PIWIL1: variants seen among roughly 807,000 people sequenced by gnomAD.
The protein encoded by PIWIL1 is piwi like RNA-mediated gene silencing 1.
A neutral mutation model predicts 114.4 loss-of-function variants in PIWIL1; 73 were observed. The ratio of observed to expected loss-of-function variants is 0.64; its 90% CI spans 0.53 to 0.78. The LOEUF is 0.78. Among genes scored for constraint, PIWIL1 ranks in the 30% least tolerant of loss-of-function variants. The pLI is 0.00. For missense variants in PIWIL1, 723 were observed against 1,063.1 expected, an observed-to-expected ratio of 0.68 and a Z score of 4.45; for synonymous variants, 375 against 369.0, an observed-to-expected ratio of 1.02 and a Z score of -0.19.
At chr12:130,421,652 A>G in the PIWIL1 span, among the ~76,000 whole-genome samples, 2 of 150,438 alleles carry the variant, frequency 1.3e-5, no homozygotes, top group African/African-American at 4.9e-5. Context: ...GTTTCTCCTC[A>G]TCTATTTCTG....
the PIWIL1 span, among the ~76,000 whole-genome samples, chr12:130,421,689 ATATG>A: frequency 1.5e-4 from 16 of 107,006 alleles, no homozygotes; most frequent in Admixed American, 4.8e-4. Context: ...CCCTGCATTT[ATATG>A]TGTGTGTGTG....
chr12:130,353,817 G>A (rs1373952306), intron 9 of PIWIL1, among the ~76,000 whole-genome samples: 3 of 149,512 alleles, frequency 2.0e-5, no homozygotes, highest in African/African-American at 4.9e-5. Flanking sequence ...TCCCAGCTAC[G>A]CAGGAGGCTG....
chr12:130,425,769 C>G, the PIWIL1 span: 1 of 152,388 alleles, frequency 6.6e-6, no homozygotes, highest in East Asian at 1.9e-4. Flanking sequence ...AAAGCGTGCC[C>G]CTGGGTCCTG....
At chr12:130,402,322 C>A in the PIWIL1 span, among the ~76,000 whole-genome samples, 1 of 152,092 alleles carries the variant, frequency 6.6e-6, no homozygotes, top group Admixed American at 6.6e-5. Flanking sequence ...TCAAGGGCAC[C>A]CATCACCTAG....
chr12:130,345,662 T>TCCAAAGGA (rs2073050107), intron 3 of PIWIL1, 91 bp from the exon 4 acceptor site: 1 of 1,388,412 alleles, frequency 7.2e-7, no homozygotes, highest in East Asian at 2.3e-5. Context: ...CTCAGTATCC[T>TCCAAAGGA]TTGGATTACA....
chr12:130,340,616 G>T (rs2072886066), intron 1 of PIWIL1, among the ~76,000 whole-genome samples: 1 of 118,598 alleles, frequency 8.4e-6, no homozygotes, highest in East Asian at 2.9e-4. Context: ...GGGGCGTGGG[G>T]GTTGGTGGTG....
In PIWIL1 at chr12:130,346,142, T is replaced by C. The variant is rs2073062478; in HGVS notation, c.317-228T>C. Among the ~76,000 whole-genome samples, 4 of 152,242 alleles carry C rather than the reference T, an allele frequency of 2.6e-5. No homozygotes were observed. In the South Asian group the frequency reaches 6.2e-4, roughly 24 times the overall value. ...AGTTGGTTTTGTTGCAAATTATTTG[T>C]AAATTACTTAGTCTAAGGAAGATTT... On this transcript the variant is annotated intron_variant, in intron 4 of 20. Coordinates refer to ENST00000245255, the MANE Select transcript of PIWIL1 (RefSeq NM_004764.5).
chr12:130,339,747 G>C (rs1038186540), intron 1 of PIWIL1: 3 of 152,184 alleles, frequency 2.0e-5, no homozygotes, highest in African/African-American at 7.2e-5. Flanking sequence ...TCAGGCCCTG[G>C]AGATGATGAG....
At chr12:130,353,308 G>C (rs984013574) in intron 9 of PIWIL1, among the ~76,000 whole-genome samples, 1 of 110,012 alleles carries the variant, frequency 9.1e-6, no homozygotes, top group Non-Finnish European at 2.2e-5. Context: ...GTGCTCAGTG[G>C]AGGTGTGTGG....
In PIWIL1 at chr12:130,346,551, G is replaced by A. The variant is rs372419033; in HGVS notation, c.498G>A (p.Thr166=). 16 of 1,613,788 alleles carry A rather than the reference G, an allele frequency of 9.9e-6. No homozygotes were observed. Among genetic ancestry groups the A allele is most frequent in the Middle Eastern group, 1.7e-4 (1 of 6,042 alleles). The change falls in exon 5 of 21, where the codon ACG becomes ACA. Residue 166 remains threonine, a synonymous_variant. Transcript: ENST00000245255. ...LIGKCHAFDG[T]ILFLPKRLQQ... ...GAAAGTGTCATGCTTTTGATGGAAC[G>A]ATATTATTTTTACCTAAAAGACTAC... is the stretch of plus-strand genomic sequence containing the variant.
chr12:130,343,028 G>A lies in PIWIL1; in HGVS notation c.117G>A (p.Pro39=), dbSNP rs2072968589. The change falls in exon 3 of 21, where the codon CCG becomes CCA. Residue 39 remains proline, a synonymous_variant. Transcript: ENST00000245255. ...GTTATATTCAGCCTAGGCCTCAGCC[G>A]CCACCAGCAGAGGGGGAATTATTTG... ...QPGYIQPRPQ[P]PPAEGELFGR... is the part of the protein sequence containing the mutation. The A allele has an allele frequency of 1.2e-6, 2 of 1,613,982 alleles. No homozygotes were observed. The highest frequency in any genetic ancestry group is 1.7e-5 in the Admixed American group (1 of 59,998).
At chr12:130,370,880 T>C (rs2073799730) in intron 19 of PIWIL1, among the ~76,000 whole-genome samples, 1 of 152,168 alleles carries the variant, frequency 6.6e-6, no homozygotes, top group Admixed American at 6.5e-5. Flanking sequence ...ACTGGCCAAG[T>C]ATGCCATCGT....
At chr12:130,417,136 C>T in the PIWIL1 span, among the ~76,000 whole-genome samples, 1 of 152,014 alleles carries the variant, frequency 6.6e-6, no homozygotes, top group Non-Finnish European at 1.5e-5. Context: ...ATGTATATAC[C>T]ATTGGAGGGA....
chr12:130,402,065 A>G, the PIWIL1 span, among the ~76,000 whole-genome samples: 3 of 152,190 alleles, frequency 2.0e-5, no homozygotes, highest in Non-Finnish European at 2.9e-5. Context: ...GGCTGAACAC[A>G]CACAGCCCTA....
chr12:130,346,302 TG>T, intron 4 of PIWIL1, 67 bp from the exon 5 acceptor site: 1 of 1,225,718 alleles, frequency 8.2e-7, no homozygotes, highest in East Asian at 2.4e-5. Context: ...TGCCTTGTCA[TG>T]GTAGGAAAGA....
intron 9 of PIWIL1, among the ~76,000 whole-genome samples, chr12:130,352,823 C>T (rs1336355080): frequency 3.9e-5 from 6 of 152,148 alleles, no homozygotes; most frequent in African/African-American, 1.2e-4. Context: ...TCTGAAATTA[C>T]GACCACACTT....
At chr12:130,370,964 C>T (rs1048986922) in intron 19 of PIWIL1, among the ~76,000 whole-genome samples, 65 of 152,184 alleles carry the variant, frequency 4.3e-4, no homozygotes, top group African/African-American at 1.4e-3. Flanking sequence ...AAATCATCAT[C>T]TTTATGATAA....
At position 130,354,668 on chromosome 12, in the gene PIWIL1, T is replaced by A. The variant is rs768241314; in HGVS notation, c.1171+5T>A. The A allele has an allele frequency of 1.9e-6, 3 of 1,565,468 alleles. No homozygotes were observed. The highest frequency in any genetic ancestry group is 2.8e-5 in the African/African-American group (2 of 72,648). On this transcript the variant is annotated splice_donor_5th_base_variant and intron_variant, in intron 10 of 20. Coordinates refer to ENST00000245255, the MANE Select transcript of PIWIL1 (RefSeq NM_004764.5). ...CTGAGCTCTGCTATCTTACAGGTAC[T>A]GTTGCATTTCATTTACTCGGAAGGA...
the PIWIL1 span, chr12:130,383,248 C>G: frequency 6.6e-6 from 1 of 152,100 alleles, no homozygotes; most frequent in South Asian, 2.1e-4. Flanking sequence ...TCATGAGGGA[C>G]AAGTTAATTT....
Sources: allele counts gnomAD v4.1 joint callset (sites outside exome capture counted in the v4.1 genomes callset), GRCh38; gene constraint gnomAD v4.1.1; transcripts MANE v1.5; gene names NCBI Gene and HGNC (gene_info 2026-07-23, HGNC 2026-07-21).